Variants in UBTF observed in about 807,000 individuals in gnomAD.
UBTF encodes nucleolar transcription factor 1.
In UBTF, 8 loss-of-function variants were observed where a neutral mutation model predicts 112.3. The ratio of observed to expected loss-of-function variants is 0.07; its 90% CI spans 0.04 to 0.13. The LOEUF (loss-of-function observed/expected upper bound fraction) is 0.13, where lower values mean the gene tolerates loss of function less well. Ranked by LOEUF, UBTF falls within the 10% of genes least tolerant of loss-of-function variation. The pLI, the probability that UBTF is intolerant of heterozygous loss-of-function variation, is 1.00. For synonymous variants in UBTF, 417 were observed against 373.1 expected, an observed-to-expected ratio of 1.12 and a Z score of -1.36; for missense variants, 457 against 982.1, an observed-to-expected ratio of 0.47 and a Z score of 7.15.
At chr17:44,215,262 C>T (rs1200814356) in intron 5 of UBTF, 1 of 177,132 alleles carries the variant, frequency 5.6e-6, no homozygotes. Context: ...ATAACCTTTT[C>T]CTAGGGTTAC....
chr17:44,220,214 C>T (rs2047115834), upstream of UBTF, among the ~76,000 whole-genome samples: 1 of 151,656 alleles, frequency 6.6e-6, no homozygotes, highest in Admixed American at 6.6e-5. Flanking sequence ...GCTTCGCCGG[C>T]GAGGGAGGGC....
Position 44,207,735 on chromosome 17 carries a change from G to A in UBTF, c.1989C>T (p.Asn663=). Reference sequence around the variant, plus strand: ...GCAGAGTAGTCCGGCTGGATTTGGGGTTTGGGCCTCGCAGCTTGGTCATGC... The same window carrying A: ...GCAGAGTAGTCCGGCTGGATTTGGGATTTGGGCCTCGCAGCTTGGTCATGC... ...RKSMTKLRGP[N]PKSSRTTLQS... Residue 663 remains asparagine, a synonymous_variant, in exon 19 of 21, where the codon AAC becomes AAT. Coordinates refer to ENST00000436088, the MANE Select transcript of UBTF (RefSeq NM_014233.4). 1.9e-6 allele frequency: 3 copies of A among 1,614,190 alleles called. No individual in the cohort carries two copies. The highest frequency in any genetic ancestry group is 2.5e-6 in the Non-Finnish European group (3 of 1,180,034).
At position 44,216,610 on chromosome 17, in the gene UBTF, T is replaced by G. The variant is rs901738032; in HGVS notation, c.153A>C (p.Ser51=). The change falls in exon 3 of 21, where the codon TCA becomes TCC. Residue 51 remains serine (S), a synonymous_variant. Coordinates refer to ENST00000436088, the MANE Select transcript of UBTF (RefSeq NM_014233.4). Reference sequence around the variant, plus strand: ...ATGCTACTTTTTCCCAGTCCATGTGTGATTCGGTGGTTTTGAACTTGGAGC... The same window carrying G: ...ATGCTACTTTTTCCCAGTCCATGTGGGATTCGGTGGTTTTGAACTTGGAGC... ...NDSSKFKTTE[S]HMDWEKVAFK... The G allele has an allele frequency of 4.3e-6, 7 of 1,614,224 alleles. No individual in the cohort carries two copies. In the Middle Eastern group the frequency reaches 4.9e-4, roughly 114 times the overall value.
chr17:44,220,020 G>A (rs2047095812), upstream of UBTF, among the ~76,000 whole-genome samples: 1 of 148,700 alleles, frequency 6.7e-6, no homozygotes, highest in African/African-American at 2.5e-5. Context: ...GGAGGGGAGG[G>A]GGGTGGTGGT....
chr17:44,218,790 A>T (rs2046998611), intron 1 of UBTF, among the ~76,000 whole-genome samples: 1 of 148,662 alleles, frequency 6.7e-6, no homozygotes, highest in South Asian at 2.2e-4. Flanking sequence ...GGGGACCCGG[A>T]CGCAGCGCAG....
Position 44,211,444 on chromosome 17 carries a change from A to T in UBTF, c.1048-113T>A. ...CCTCCAGAGCCTGGGTGTGGGCTGG[A>T]CTCCCTGCCTGGACGGGCTCAGTTG... On this transcript the variant is annotated intron_variant, in intron 10 of 20. Coordinates refer to ENST00000436088, the MANE Select transcript of UBTF (RefSeq NM_014233.4). This position sits in a 1 kb window ranked among gnomAD's most constrained non-coding sequence, Gnocchi z 4.9. 7.6e-6 allele frequency: 12 copies of T among 1,569,118 alleles called. No individual in the cohort carries two copies. In the South Asian group the frequency reaches 1.3e-4, roughly 18 times the overall value.
At chr17:44,208,092 A>ATTTTTTT (rs57107684) in intron 17 of UBTF, among the ~76,000 whole-genome samples, 181 bp from the exon 18 acceptor site, 4 of 117,994 alleles carry the variant, frequency 3.4e-5, no homozygotes, top group Admixed American at 1.8e-4. Context: ...CACAGCTCTA[A>ATTTTTTT]TTTTTTTTTT....
rs566631019 is a variant in UBTF, at chr17:44,217,220, C to G, written c.59-516G>C. 3.3e-5 allele frequency among the ~76,000 whole-genome samples: 5 copies of G among 152,264 alleles called. No homozygotes were observed. In the South Asian group the frequency reaches 1.0e-3, roughly 32 times the overall value. On this transcript the variant is annotated intron_variant, in intron 2 of 20. Coordinates refer to ENST00000436088, the MANE Select transcript of UBTF (RefSeq NM_014233.4). ...GATGTCTCTCCTGCACAGCTGGAAA[C>G]CAATGTTAGAGACACCCACCACCCC...
At position 44,211,052 on chromosome 17, in the gene UBTF, T is replaced by C. The variant is rs759852295; in HGVS notation, c.1190A>G (p.Gln397Arg). 1 of 1,612,008 alleles carries C rather than the reference T, an allele frequency of 6.2e-7. No individual in the cohort carries two copies. Among genetic ancestry groups the C allele is most frequent in the Non-Finnish European group, 8.5e-7 (1 of 1,179,750 alleles). Residue 397 changes from glutamine (Q) to arginine (R), a missense_variant, in exon 12 of 21, where the codon CAG (glutamine) becomes CGG (arginine). This residue lies in a region of UBTF where 108 missense variants were observed against 137.4 expected (regional missense o/e 0.79). Coordinates refer to ENST00000436088, the MANE Select transcript of UBTF (RefSeq NM_014233.4). This position sits in a 1 kb window ranked among gnomAD's most constrained non-coding sequence, Gnocchi z 4.9. ...CCCTCTGCCCACCTTGCCCCCTTCC[T>C]GGGCTGGCTTCTTGGAGGCGGGGCT... is the stretch of plus-strand genomic sequence containing the variant. ...ATSPASKKPA[Q>R]EGGKGGSEKP...
chr17:44,218,446 G>C, intron 1 of UBTF, 150 bp from the exon 2 acceptor site: 1 of 539,556 alleles, frequency 1.9e-6, no homozygotes, highest in Non-Finnish European at 3.2e-6. Flanking sequence ...GGGAATGGGA[G>C]TGCGCCCCTC....
upstream of UBTF, chr17:44,220,957 C>T (rs1001544571): frequency 2.2e-4 from 32 of 148,162 alleles, no homozygotes; most frequent in Middle Eastern, 3.5e-3. Flanking sequence ...AGCGCAGCGC[C>T]GCTCCGAGCG....
intron 13 of UBTF, 98 bp from the exon 14 acceptor site, chr17:44,210,571 T>G (rs1250950773): frequency 6.9e-7 from 1 of 1,443,606 alleles, no homozygotes; most frequent in Non-Finnish European, 9.1e-7. Context: ...GGCAGAAGCA[T>G]GGGCTGGTGC....
intron 5 of UBTF, 141 bp from the exon 6 acceptor site, chr17:44,213,423 CTCCT>C: frequency 4.4e-6 from 4 of 902,176 alleles, no homozygotes; most frequent in Non-Finnish European, 6.5e-6. Context: ...CCCTGCCCGC[CTCCT>C]GGCGGGACTC....
intron 17 of UBTF, 65 bp downstream of exon 17, chr17:44,209,287 G>C: frequency 1.3e-6 from 2 of 1,506,058 alleles, no homozygotes. Flanking sequence ...GATGGGCCAG[G>C]CTAGGATGGT....
upstream of UBTF, chr17:44,220,626 T>C (rs2047141926): frequency 6.6e-6 from 1 of 151,160 alleles, no homozygotes; most frequent in Admixed American, 6.6e-5. Flanking sequence ...TGGGAGCCGG[T>C]TCAATCCAGC....
chr17:44,207,541 CTCT>C lies in UBTF; in HGVS notation c.2079_2081del (p.Glu695del), dbSNP rs1167197275. The C allele has an allele frequency of 2.5e-6, 4 of 1,614,118 alleles. No individual in the cohort carries two copies. Among genetic ancestry groups the C allele is most frequent in the South Asian group, 2.2e-5 (2 of 91,086 alleles). Reference sequence around the variant, plus strand: ...AGGAGTCCCCATTCTCATCATCTTCCTCTTCTTCATCCTCGTCCTCGTCATCCT... The same window carrying C: ...AGGAGTCCCCATTCTCATCATCTTCCTCTTCATCCTCGTCCTCGTCATCCT... On this transcript the variant is annotated inframe_deletion, in exon 20 of 21. Coordinates refer to ENST00000436088, the MANE Select transcript of UBTF (RefSeq NM_014233.4).
chr17:44,217,759 A>G (rs1384017824), intron 2 of UBTF, among the ~76,000 whole-genome samples: 1 of 152,148 alleles, frequency 6.6e-6, no homozygotes, highest in Non-Finnish European at 1.5e-5. Context: ...TAAAACCACC[A>G]AAACAGCCCT....
At chr17:44,207,829 C>T (rs750793680) in intron 18 of UBTF, 35 bp downstream of exon 18, 2 of 1,614,002 alleles carry the variant, frequency 1.2e-6, no homozygotes, top group Middle Eastern at 1.6e-4. Flanking sequence ...AATTCCCCCA[C>T]CCCTACCCCA....
At chr17:44,216,264 A>G (rs2046841149) in intron 3 of UBTF, 1 of 604,204 alleles carries the variant, frequency 1.7e-6, no homozygotes, top group African/African-American at 1.9e-5. Context: ...ACCTCCGTCA[A>G]TCTCAGCATG....
Sources: allele counts gnomAD v4.1 joint callset (sites outside exome capture counted in the v4.1 genomes callset), GRCh38; gene constraint gnomAD v4.1.1; regional missense constraint gnomAD v4.1.1; non-coding constraint Gnocchi (gnomAD v3.1); transcripts MANE v1.5; gene names NCBI Gene and HGNC (gene_info 2026-07-23, HGNC 2026-07-21).